Variants in ZNF518A observed in about 807,000 individuals in gnomAD.
ZNF518A encodes the protein zinc finger protein 518.
In ZNF518A, 47 loss-of-function variants were observed where a neutral mutation model predicts 102.7. That is an observed-to-expected ratio of 0.46 (90% CI 0.36 to 0.58). The LOEUF (loss-of-function observed/expected upper bound fraction) is 0.58. ZNF518A is among the 20% of genes least tolerant of loss of function. ZNF518A has a pLI of 0.00. For synonymous variants in ZNF518A, 652 were observed against 594.6 expected (o/e 1.10, Z -1.40); for missense variants, 1,793 against 1,699.8 (o/e 1.05, Z -0.96).
chr10:96,204,492 CA>C (rs2083743361), downstream of ZNF518A: 1 of 1,593,358 alleles, frequency 6.3e-7, no homozygotes, highest in Non-Finnish European at 8.6e-7. Flanking sequence ...ATTCCTGCAG[CA>C]ACAAGAGGAA....
At chr10:96,138,092 C>A (rs1176740190) in intron 3 of ZNF518A, among the ~76,000 whole-genome samples, 17 of 152,074 alleles carry the variant, frequency 1.1e-4, no homozygotes, top group African/African-American at 3.9e-4. Flanking sequence ...TCAATCTGAC[C>A]ATGCCTCATT....
chr10:96,165,110 A>T (rs587719922), downstream of ZNF518A, among the ~76,000 whole-genome samples: 7 of 152,300 alleles, frequency 4.6e-5, no homozygotes, highest in African/African-American at 1.7e-4. Flanking sequence ...CAACTGGGGA[A>T]CAATAAAAGA....
At chr10:96,132,051 TTGCCCACATTCCTTCAGGTATGCTAC>T (rs1272982683) in intron 1 of ZNF518A, among the ~76,000 whole-genome samples, 19 of 151,936 alleles carry the variant, frequency 1.3e-4, no homozygotes, top group Admixed American at 9.8e-4. Flanking sequence ...GACTTGAATC[TTGCCCACATTCCTTCAGGTATGCTAC>T]TGAAGGTTTT....
intron 1 of ZNF518A, among the ~76,000 whole-genome samples, chr10:96,173,438 G>T (rs1202154939): frequency 6.6e-6 from 1 of 152,122 alleles, no homozygotes; most frequent in African/African-American, 2.4e-5. Flanking sequence ...AAAACATGTT[G>T]TCTCAGTCAT....
Position 96,156,760 on chromosome 10 carries a change from A to G in ZNF518A, c.438A>G (p.Glu146=). 5 of 1,613,980 alleles carry G rather than the reference A, an allele frequency of 3.1e-6. No homozygotes were observed. Among genetic ancestry groups the G allele is most frequent in the Non-Finnish European group, 4.2e-6 (5 of 1,179,822 alleles). ...QKHFQMWHHG[E]LPSYPCEMCN... ...ACTTTCAAATGTGGCACCATGGCGA[A>G]TTACCTTCATATCCTTGTGAAATGT... The change falls in exon 6 of 6, where the codon GAA becomes GAG. Residue 146 remains glutamate (E), a synonymous_variant. Coordinates refer to ENST00000316045, the MANE Select transcript of ZNF518A (RefSeq NM_001330736.2).
intron 3 of ZNF518A, among the ~76,000 whole-genome samples, chr10:96,144,812 A>G (rs1320291760): frequency 6.6e-6 from 1 of 152,146 alleles, no homozygotes; most frequent in African/African-American, 2.4e-5. Context: ...TGTTACAGAT[A>G]GCAAAAAAAA....
rs782353420 is a variant in ZNF518A at position 96,160,244 on chromosome 10, G to T, written c.3922G>T (p.Val1308Phe). 1.4e-5 allele frequency: 23 copies of T among 1,613,294 alleles called. No homozygotes were observed. The Admixed American group carries it at 3.8e-4, about 27-fold the overall frequency. ...TAAAGAAAAGGCAAAACCTGAAGAT[G>T]TCCGTGAAACATTTGGATTTAGCAG... The part of the protein sequence containing the change: ...KCKEKAKPED[V>F]RETFGFSRPR... Residue 1308 changes from valine to phenylalanine, a missense_variant, in exon 6 of 6, where the codon GTC becomes TTC. Transcript: ENST00000316045.
At chr10:96,146,185 T>C (rs1000538935) in intron 3 of ZNF518A, among the ~76,000 whole-genome samples, 10 of 152,226 alleles carry the variant, frequency 6.6e-5, no homozygotes, top group African/African-American at 2.2e-4. Flanking sequence ...TGCATAATAT[T>C]CCCTTACAAT....
chr10:96,170,931 G>T (rs1436057267), intron 1 of ZNF518A, among the ~76,000 whole-genome samples: 1 of 151,520 alleles, frequency 6.6e-6, no homozygotes, highest in African/African-American at 2.4e-5. Flanking sequence ...TTTCTCTAAA[G>T]AAGATATACA....
rs587626300 is a variant in ZNF518A at position 96,159,164 on chromosome 10, C to A, written c.2842C>A (p.Pro948Thr). 1.9e-6 allele frequency: 3 copies of A among 1,613,722 alleles called. No homozygotes were observed. Among genetic ancestry groups the A allele is most frequent in the Non-Finnish European group, 2.5e-6 (3 of 1,179,744 alleles). The change falls in exon 6 of 6, where the codon CCT becomes ACT. Residue 948 changes from proline to threonine, a missense_variant. This residue lies in a region of ZNF518A where 1,741 missense variants were observed against 1,622.6 expected (regional missense o/e 1.07). Coordinates refer to ENST00000316045, the MANE Select transcript of ZNF518A (RefSeq NM_001330736.2). ...AATACCATTGAACATTACTAACAAG[C>A]CTGGGCTACCAGTTATTCCTGGAAA... is the stretch of plus-strand genomic sequence containing the variant. The part of the protein sequence containing the change: ...FLIPLNITNK[P>T]GLPVIPGNAL...
chr10:96,159,056 T>C lies in ZNF518A; in HGVS notation c.2734T>C (p.Leu912=). 1 of 1,613,596 alleles carries C rather than the reference T, an allele frequency of 6.2e-7. No homozygotes were observed. Among genetic ancestry groups the C allele is most frequent in the Non-Finnish European group, 8.5e-7 (1 of 1,179,736 alleles). Residue 912 remains leucine, a synonymous_variant, in exon 6 of 6, where the codon TTA becomes CTA. Transcript: ENST00000316045. ...KDKLRATTQN[L]GSFYMQSPLL... is the part of the protein sequence containing the mutation. ...CAAACTACGAGCCACCACACAAAATTTAGGTTCTTTTTATATGCAGAGTCC... is the reference window on the plus strand; with the variant it reads ...CAAACTACGAGCCACCACACAAAATCTAGGTTCTTTTTATATGCAGAGTCC...
chr10:96,137,088 T>A (rs1197953855), intron 3 of ZNF518A, among the ~76,000 whole-genome samples: 2 of 152,150 alleles, frequency 1.3e-5, no homozygotes. Context: ...TTCCACAAAC[T>A]CTCTCAGTCA....
At chr10:96,186,220 G>A (rs2083271012) in intron 1 of ZNF518A, among the ~76,000 whole-genome samples, 1 of 152,122 alleles carries the variant, frequency 6.6e-6, no homozygotes, top group African/African-American at 2.4e-5. Flanking sequence ...CGCCCTCCAT[G>A]GGCTGCACTC....
In ZNF518A at chr10:96,132,012, C is replaced by CT. The variant is rs57428783; in HGVS notation, c.-452-561dup. On this transcript the variant is annotated intron_variant, in intron 1 of 5. Coordinates refer to ENST00000316045, the MANE Select transcript of ZNF518A (RefSeq NM_001330736.2). The stretch of plus-strand genomic sequence containing the variant: ...GCATACTTTAGAGCACTTAATACTA[C>CT]TTTTTTTTTTTTTCTTTAAATGATA... 9.1e-3 allele frequency among the ~76,000 whole-genome samples: 1,312 copies of CT among 144,246 alleles called. 15 individuals carry two copies. The highest frequency in any genetic ancestry group is 0.027 in the African/African-American group (1,056 of 39,744). 94.6% of individuals were successfully genotyped at this position (144,246 alleles called of 152,430 possible). A position where few individuals can be genotyped will look rare whatever the true frequency, so the allele number is the denominator to read the frequency against.
At chr10:96,190,222 G>T in intron 1 of ZNF518A, 1 of 759,546 alleles carries the variant, frequency 1.3e-6, no homozygotes, top group Non-Finnish European at 2.4e-6. Flanking sequence ...TCTTCCATCA[G>T]GTGGCGGCAC....
chr10:96,158,032 T>A lies in ZNF518A; in HGVS notation c.1710T>A (p.Phe570Leu), dbSNP rs781946582. The change falls in exon 6 of 6, where the codon TTT becomes TTA. Residue 570 changes from phenylalanine to leucine, a missense_variant. By Grantham distance (22) the Phe-to-Leu change is conservative (BLOSUM62 0). This residue lies in a region of ZNF518A where 1,741 missense variants were observed against 1,622.6 expected (regional missense o/e 1.07). Coordinates refer to ENST00000316045, the MANE Select transcript of ZNF518A (RefSeq NM_001330736.2). ...VTASVNLTTKFETRDNVDFWG... is the reference protein window; with the variant it reads ...VTASVNLTTKLETRDNVDFWG... ...CATCAGTGAATTTGACCACAAAATT[T>A]GAAACAAGAGATAATGTTGACTTCT... 9.9e-6 allele frequency: 16 copies of A among 1,613,672 alleles called. No homozygotes were observed. Among genetic ancestry groups the A allele is most frequent in the Non-Finnish European group, 1.4e-5 (16 of 1,179,812 alleles).
chr10:96,182,405 G>A (rs1171109426), intron 1 of ZNF518A, among the ~76,000 whole-genome samples: 1 of 152,160 alleles, frequency 6.6e-6, no homozygotes, highest in African/African-American at 2.4e-5. Context: ...TCCCTGTCTT[G>A]TGCCAGTTTT....
chr10:96,132,296 C>T (rs1268226000), intron 1 of ZNF518A, among the ~76,000 whole-genome samples: 3 of 150,884 alleles, frequency 2.0e-5, no homozygotes, highest in African/African-American at 7.3e-5. Context: ...GAATTGGAAC[C>T]GGATCCAGAT....
intron 1 of ZNF518A, among the ~76,000 whole-genome samples, chr10:96,192,443 T>C (rs946228879): frequency 3.9e-5 from 6 of 152,192 alleles, no homozygotes; most frequent in African/African-American, 1.4e-4. Context: ...AAAACATAGA[T>C]CATCTCTTAC....
Sources: gnomAD v4.1 joint callset for allele counts (sites outside exome capture counted in the v4.1 genomes callset) on GRCh38, gnomAD v4.1.1 for gene constraint, gnomAD v4.1.1 regional missense constraint, MANE v1.5 for transcripts, NCBI Gene and HGNC (gene_info 2026-07-23, HGNC 2026-07-21) for gene names.